The following CDH13 variants were observed in gnomAD, a reference collection of about 807,000 sequenced individuals.
CDH13 encodes cadherin-13.
Under a neutral mutation model 63.8 loss-of-function variants are expected in CDH13, and 24 were observed. The observed-to-expected ratio is 0.38, with a 90% confidence interval of 0.27 to 0.53. CDH13 has a LOEUF of 0.53. CDH13 is among the 20% of genes least tolerant of loss of function. The pLI, the probability that CDH13 is intolerant of heterozygous loss-of-function variation, is 0.85. For synonymous variants in CDH13, 503 were observed against 355.3 expected, an observed-to-expected ratio of 1.42 and a Z score of -4.67; for missense variants, 1,049 against 903.1, an observed-to-expected ratio of 1.16 and a Z score of -2.07.
intron 2 of CDH13, among the ~76,000 whole-genome samples, chr16:82,874,268 G>A (rs1026071284): frequency 6.6e-6 from 1 of 152,050 alleles, no homozygotes; most frequent in African/African-American, 2.4e-5. Context: ...TTTCAGAATT[G>A]CAGATTGCAG....
At chr16:82,966,402 C>T (rs962120380) in intron 2 of CDH13, among the ~76,000 whole-genome samples, 6 of 152,310 alleles carry the variant, frequency 3.9e-5, no homozygotes, top group African/African-American at 1.2e-4. Flanking sequence ...CCACCTCCGC[C>T]TCCCAAAGTG....
intron 10 of CDH13, among the ~76,000 whole-genome samples, chr16:83,723,950 G>C (rs1201796256): frequency 6.6e-6 from 1 of 152,244 alleles, no homozygotes; most frequent in Non-Finnish European, 1.5e-5. Context: ...ATGGATGAGT[G>C]ATGAATGCCT....
chr16:82,627,566 G>A (rs931071068), intron 1 of CDH13, among the ~76,000 whole-genome samples: 14 of 152,148 alleles, frequency 9.2e-5, no homozygotes, highest in African/African-American at 3.4e-4. Flanking sequence ...CCCAGCGGCC[G>A]AAGCGCTGCT....
At chr16:82,816,767 G>A (rs775577538) in intron 1 of CDH13, among the ~76,000 whole-genome samples, 20 of 134,838 alleles carry the variant, frequency 1.5e-4, no homozygotes, top group Non-Finnish European at 2.3e-4. Flanking sequence ...TATCATCACC[G>A]TCGTCACCAT....
At chr16:83,433,682 G>T (rs1436015590) in intron 6 of CDH13, among the ~76,000 whole-genome samples, 4 of 152,204 alleles carry the variant, frequency 2.6e-5, no homozygotes, top group Non-Finnish European at 5.9e-5. Context: ...CTCAAGTCCA[G>T]TTGTGTGGAC....
At chr16:83,690,578 G>A (rs565173534) in intron 10 of CDH13, among the ~76,000 whole-genome samples, 1 of 152,220 alleles carries the variant, frequency 6.6e-6, no homozygotes, top group South Asian at 2.1e-4. Context: ...TTAGGAAAGG[G>A]GGCAATTAAG....
At chr16:83,041,971 C>T (rs1450038199) in intron 3 of CDH13, among the ~76,000 whole-genome samples, 2 of 152,184 alleles carry the variant, frequency 1.3e-5, no homozygotes, top group African/African-American at 4.8e-5. Flanking sequence ...TTTTTCCCCT[C>T]TTTCCTGATC....
intron 7 of CDH13, among the ~76,000 whole-genome samples, chr16:83,560,489 G>T (rs2075683889): frequency 6.6e-6 from 1 of 152,194 alleles, no homozygotes; most frequent in African/African-American, 2.4e-5. Context: ...CATGGAAGCT[G>T]CATGGGAAAA....
chr16:83,654,596 T>C (rs1473603401), intron 8 of CDH13, among the ~76,000 whole-genome samples: 1 of 152,148 alleles, frequency 6.6e-6, no homozygotes, highest in Non-Finnish European at 1.5e-5. Flanking sequence ...GAGAGTCTCA[T>C]CTGTTTCATC....
chr16:82,913,652 G>C (rs912000654), intron 2 of CDH13, among the ~76,000 whole-genome samples: 1 of 152,188 alleles, frequency 6.6e-6, no homozygotes, highest in African/African-American at 2.4e-5. Context: ...GCTGACGAGA[G>C]AGCTGCTGTG....
intron 5 of CDH13, among the ~76,000 whole-genome samples, chr16:83,280,425 C>A (rs2089134731): frequency 6.6e-6 from 1 of 152,196 alleles, no homozygotes; most frequent in South Asian, 2.1e-4. Context: ...CATCTTCAAG[C>A]CACACTTCTA....
At chr16:82,853,017 A>G (rs930721499) in intron 1 of CDH13, among the ~76,000 whole-genome samples, 1 of 152,248 alleles carries the variant, frequency 6.6e-6, no homozygotes, top group Non-Finnish European at 1.5e-5. Flanking sequence ...TCTGTACTAC[A>G]GCAAATAAAT....
chr16:83,225,125 GT>G (rs1339641627), intron 5 of CDH13, among the ~76,000 whole-genome samples: 1 of 152,148 alleles, frequency 6.6e-6, no homozygotes, highest in African/African-American at 2.4e-5. Context: ...CTCCATCTGG[GT>G]TTTAGCCAGC....
intron 3 of CDH13, among the ~76,000 whole-genome samples, chr16:83,098,914 C>A (rs116613044): frequency 8.3e-4 from 126 of 152,264 alleles, no homozygotes; most frequent in African/African-American, 2.9e-3. Context: ...ACTGGTTGTT[C>A]CTTATTTGAG....
In CDH13 at chr16:83,792,987, C is replaced by T. The variant is rs539812259; in HGVS notation, c.2135-2036C>T. ...ATCTGAAGTTCTTAGCAGAGGGCAGCCTGTCTTCAGTGGGCACTTTTGGAT... is the reference window on the plus strand; with the variant it reads ...ATCTGAAGTTCTTAGCAGAGGGCAGTCTGTCTTCAGTGGGCACTTTTGGAT... On this transcript the variant is annotated intron_variant, in intron 13 of 13. Transcript: ENST00000567109. 2.1e-4 allele frequency among the ~76,000 whole-genome samples: 32 copies of T among 152,232 alleles called. No homozygotes were observed. The South Asian group carries it at 5.4e-3, about 26-fold the overall frequency.
At chr16:83,208,256 C>G (rs868241651) in intron 4 of CDH13, among the ~76,000 whole-genome samples, 2 of 152,132 alleles carry the variant, frequency 1.3e-5, no homozygotes, top group Non-Finnish European at 2.9e-5. Flanking sequence ...AATTTATGAC[C>G]TAGAGGTTGA....
chr16:83,165,126 G>C (rs1036293085), intron 4 of CDH13, among the ~76,000 whole-genome samples: 2 of 151,454 alleles, frequency 1.3e-5, no homozygotes, highest in Non-Finnish European at 2.9e-5. Flanking sequence ...GGGTTGTCCT[G>C]TAAGAATTTA....
At chr16:82,846,307 A>G (rs36008149) in intron 1 of CDH13, among the ~76,000 whole-genome samples, 55,967 of 151,804 alleles carry the variant, frequency 0.37, 11,316 homozygotes, top group East Asian at 0.82. Context: ...ACAATACTTT[A>G]TACATACCCT....
At chr16:82,655,498 C>T (rs911433918) in intron 1 of CDH13, among the ~76,000 whole-genome samples, 1 of 152,064 alleles carries the variant, frequency 6.6e-6, no homozygotes, top group Non-Finnish European at 1.5e-5. Flanking sequence ...ACCGCAGTGT[C>T]GGGTCCAAGA....
Sources: gnomAD v4.1 joint callset for allele counts (sites outside exome capture counted in the v4.1 genomes callset) on GRCh38, gnomAD v4.1.1 for gene constraint, MANE v1.5 for transcripts, NCBI Gene and HGNC (gene_info 2026-07-23, HGNC 2026-07-21) for gene names.